YPEL1: variants seen among roughly 807,000 people sequenced by gnomAD.
YPEL1 encodes the protein yippee like 1, also known as protein yippee-like 1.
In YPEL1, 7 loss-of-function variants were observed where a neutral mutation model predicts 17.3. The observed-to-expected ratio is 0.40, with a 90% CI of 0.23 to 0.76. The LOEUF (loss-of-function observed/expected upper bound fraction) is 0.76, where lower values mean the gene tolerates loss of function less well. Among genes scored for constraint, YPEL1 ranks in the 30% least tolerant of loss-of-function variants. YPEL1 has a pLI of 0.35. For synonymous variants in YPEL1, 59 were observed against 59.6 expected (o/e 0.99, Z 0.05); for missense variants, 91 against 155.5 (o/e 0.59, Z 2.21).
intron 1 of YPEL1, among the ~76,000 whole-genome samples, chr22:21,729,107 T>C (rs949902308): frequency 5.3e-5 from 8 of 149,706 alleles, no homozygotes; most frequent in Non-Finnish European, 8.9e-5. Flanking sequence ...TGCGCCATTG[T>C]ACTCCAGCCT....
At position 21,698,192 on chromosome 22, in the gene YPEL1, A is replaced by T. The variant is rs2068011248; in HGVS notation, c.*2937T>A. 1 of 149,536 alleles carries T rather than the reference A, an allele frequency of 6.7e-6. No homozygotes were observed. The highest frequency in any genetic ancestry group is 2.6e-5 in the African/African-American group (1 of 39,016). The allele number at this position is 149,536 out of a possible 1,614,324, so 9.3% of individuals were successfully genotyped here. On this transcript the variant is annotated 3_prime_UTR_variant, in exon 5 of 5. Transcript: ENST00000339468. ...AGCTCATGGTCTGTTCATTTGGTTTAAAAATGAGCTTGTATTTTGCAGAAG... is the reference window on the plus strand; with the variant it reads ...AGCTCATGGTCTGTTCATTTGGTTTTAAAATGAGCTTGTATTTTGCAGAAG...
chr22:21,730,433 G>A lies in YPEL1; in HGVS notation c.-165+5182C>T, dbSNP rs111684739. ...AGATGGGGTTTCACCATGTTGGCCA[G>A]GCTTGCCTTGAACTCCTGACCTCAA... On this transcript the variant is annotated intron_variant, in intron 1 of 4. Coordinates refer to ENST00000339468, the MANE Select transcript of YPEL1 (RefSeq NM_013313.5). Among the ~76,000 whole-genome samples the A allele has an allele frequency of 7.0e-3, 1,067 of 152,220 alleles. 7 individuals are homozygous for A. The highest frequency in any genetic ancestry group is 0.025 in the African/African-American group (1,027 of 41,552).
intron 2 of YPEL1, among the ~76,000 whole-genome samples, chr22:21,708,358 CAG>C (rs1414663235): frequency 1.9e-5 from 2 of 105,456 alleles, no homozygotes; most frequent in East Asian, 2.8e-4. Context: ...TTTTTTGAGA[CAG>C]AGTCTTACTC....
intron 1 of YPEL1, among the ~76,000 whole-genome samples, chr22:21,720,398 A>G (rs143369999): frequency 8.6e-4 from 130 of 151,776 alleles, no homozygotes; most frequent in African/African-American, 3.1e-3. Context: ...ATGGGGTCTC[A>G]CTTTGTTACC....
intron 1 of YPEL1, among the ~76,000 whole-genome samples, chr22:21,732,180 A>G (rs749306700): frequency 1.3e-5 from 2 of 152,110 alleles, no homozygotes; most frequent in Non-Finnish European, 2.9e-5. Flanking sequence ...TTGCTGGCGG[A>G]ATCGATTTCA....
intron 1 of YPEL1, among the ~76,000 whole-genome samples, chr22:21,728,747 C>A (rs775434081): frequency 6.6e-6 from 1 of 152,162 alleles, no homozygotes; most frequent in Admixed American, 6.6e-5. Context: ...TGGTGGCTCA[C>A]ACCTGTAATC....
intron 1 of YPEL1, among the ~76,000 whole-genome samples, chr22:21,717,961 C>G (rs1008227482): frequency 8.0e-6 from 1 of 125,690 alleles, no homozygotes; most frequent in South Asian, 2.7e-4. Flanking sequence ...CCTGTCTCTA[C>G]GCAAAAAAAG....
Position 21,703,725 on chromosome 22 carries a change from G to A in YPEL1, c.161+114C>T. 8.2e-7 allele frequency: 1 copy of A among 1,218,654 alleles called. No individual in the cohort carries two copies. The highest frequency in any genetic ancestry group is 1.1e-6 in the Non-Finnish European group (1 of 871,338). The allele number at this position is 1,218,654 out of a possible 1,614,324, so 75.5% of individuals were successfully genotyped here. On this transcript the variant is annotated intron_variant, in intron 3 of 4. Coordinates refer to ENST00000339468, the MANE Select transcript of YPEL1 (RefSeq NM_013313.5). The surrounding 1 kb of genome is among the most constrained non-coding windows in gnomAD (Gnocchi z 6.1). The stretch of plus-strand genomic sequence containing the variant: ...GAAACTCCCGGCGGGGGGATGGTGG[G>A]TTCTTTCAGGACCCCTAAAGACCCA...
intron 1 of YPEL1, among the ~76,000 whole-genome samples, chr22:21,712,660 C>A (rs1162516605): frequency 1.4e-5 from 2 of 143,770 alleles, no homozygotes; most frequent in African/African-American, 2.6e-5. Flanking sequence ...CAGGAGGCAG[C>A]GGTTGCAGTG....
rs1601629338 is a variant in YPEL1, at chr22:21,710,885, G to C, written c.-141C>G. ...GAGGGCGTGTGGCACTGTCCACACA[G>C]CTGGGACGAGAGAAAAACGTAACCT... On this transcript the variant is annotated 5_prime_UTR_variant, in exon 2 of 5. Transcript: ENST00000339468. The C allele has an allele frequency of 1.3e-6, 1 of 743,906 alleles. No homozygotes were observed. Among genetic ancestry groups the C allele is most frequent in the East Asian group, 2.5e-5 (1 of 40,658 alleles). 46.1% of individuals were successfully genotyped at this position (743,906 alleles called of 1,614,324 possible). A position where few individuals can be genotyped will look rare whatever the true frequency, so the allele number is the denominator to read the frequency against.
chr22:21,704,539 C>T (rs566285964), intron 2 of YPEL1, among the ~76,000 whole-genome samples: 1 of 152,016 alleles, frequency 6.6e-6, no homozygotes, highest in African/African-American at 2.4e-5. Context: ...CACCAGTAAC[C>T]CCAGCTACTT....
At chr22:21,712,909 C>A (rs1052906050) in intron 1 of YPEL1, among the ~76,000 whole-genome samples, 1 of 151,912 alleles carries the variant, frequency 6.6e-6, no homozygotes, top group African/African-American at 2.4e-5. Flanking sequence ...GAAACTCCTA[C>A]AACTCAACAA....
chr22:21,703,722 T>C lies in YPEL1; in HGVS notation c.161+117A>G. On this transcript the variant is annotated intron_variant, in intron 3 of 4. Transcript: ENST00000339468. The surrounding 1 kb of genome is among the most constrained non-coding windows in gnomAD (Gnocchi z 6.1). ...TCAGAAACTCCCGGCGGGGGGATGG[T>C]GGGTTCTTTCAGGACCCCTAAAGAC... 1 of 1,132,940 alleles carries C rather than the reference T, an allele frequency of 8.8e-7. No individual in the cohort carries two copies. The highest frequency in any genetic ancestry group is 2.6e-5 in the East Asian group (1 of 38,970). The allele number at this position is 1,132,940 out of a possible 1,614,324, so 70.2% of individuals were successfully genotyped here. A position where few individuals can be genotyped will look rare whatever the true frequency, so the allele number is the denominator to read the frequency against.
intron 1 of YPEL1, chr22:21,722,865 G>A: frequency 6.6e-6 from 1 of 152,088 alleles, no homozygotes; most frequent in Admixed American, 6.6e-5. Flanking sequence ...AACGACTTCT[G>A]GGGGATTATT....
intron 1 of YPEL1, among the ~76,000 whole-genome samples, chr22:21,716,595 T>TTGA (rs1258889037): frequency 1.3e-5 from 2 of 152,276 alleles, no homozygotes; most frequent in African/African-American, 4.8e-5. Context: ...AAGCTCACAG[T>TTGA]TGATGGATTT....
chr22:21,717,910 T>C (rs2068242859), intron 1 of YPEL1, among the ~76,000 whole-genome samples: 1 of 150,250 alleles, frequency 6.7e-6, no homozygotes, highest in South Asian at 2.1e-4. Context: ...GAGGATTGCT[T>C]GAGCCCAGGA....
chr22:21,700,569 G>C lies in YPEL1; in HGVS notation c.*560C>G, dbSNP rs2068055749. ...AGCTCACTGCAACCTCCGTGTCCCAGGTTCAAGTGATTCTCCTGCCTTAGC... is the reference window on the plus strand; with the variant it reads ...AGCTCACTGCAACCTCCGTGTCCCACGTTCAAGTGATTCTCCTGCCTTAGC... On this transcript the variant is annotated 3_prime_UTR_variant, in exon 5 of 5. Coordinates refer to ENST00000339468, the MANE Select transcript of YPEL1 (RefSeq NM_013313.5). The C allele has an allele frequency of 6.6e-6, 1 of 150,726 alleles. No homozygotes were observed. The highest frequency in any genetic ancestry group is 1.5e-5 in the Non-Finnish European group (1 of 68,024). 9.3% of individuals were successfully genotyped at this position (150,726 alleles called of 1,614,324 possible).
At chr22:21,735,016 C>A (rs1288316419) in intron 1 of YPEL1, among the ~76,000 whole-genome samples, 1 of 152,062 alleles carries the variant, frequency 6.6e-6, no homozygotes, top group East Asian at 1.9e-4. Flanking sequence ...TTTTTTCCAT[C>A]CTTAGAATTC....
chr22:21,720,903 G>A (rs1362549592), intron 1 of YPEL1, among the ~76,000 whole-genome samples: 1 of 150,542 alleles, frequency 6.6e-6, no homozygotes, highest in East Asian at 1.9e-4. Context: ...CTGCCTTCTG[G>A]GTTCAAGCAA....
Sources: gnomAD v4.1 joint callset for allele counts (sites outside exome capture counted in the v4.1 genomes callset) on GRCh38, gnomAD v4.1.1 for gene constraint, Gnocchi (gnomAD v3.1) non-coding constraint, MANE v1.5 for transcripts, NCBI Gene and HGNC (gene_info 2026-07-23, HGNC 2026-07-21) for gene names.